ZW10: variants seen among roughly 807,000 people sequenced by gnomAD.
The protein encoded by ZW10 is centromere/kinetochore protein zw10 homolog.
In ZW10, 53 loss-of-function variants were observed where a neutral mutation model predicts 87.8. That is an observed-to-expected ratio of 0.60 (90% confidence interval 0.48 to 0.76). The LOEUF (loss-of-function observed/expected upper bound fraction) is 0.76. ZW10 is among the 30% of genes least tolerant of loss of function. The pLI, the probability that ZW10 is intolerant of heterozygous loss-of-function variation, is 0.00. For synonymous variants in ZW10, 312 were observed against 329.2 expected (o/e 0.95, Z 0.57); for missense variants, 837 against 923.0 (o/e 0.91, Z 1.21).
At chr11:113,746,947 G>A (rs954384852) in intron 9 of ZW10, among the ~76,000 whole-genome samples, 3 of 151,736 alleles carry the variant, frequency 2.0e-5, no homozygotes, top group Admixed American at 6.6e-5. Flanking sequence ...TTCTGCAGAA[G>A]AGTGACATAA....
At chr11:113,755,622 AGACT>A (rs2134884862) in intron 7 of ZW10, among the ~76,000 whole-genome samples, 1 of 152,234 alleles carries the variant, frequency 6.6e-6, no homozygotes, top group African/African-American at 2.4e-5. Context: ...CAGGGTGAGA[AGACT>A]GACTCCAATT....
intron 7 of ZW10, among the ~76,000 whole-genome samples, chr11:113,757,198 G>T (rs569378271): frequency 2.6e-5 from 4 of 151,976 alleles, no homozygotes; most frequent in South Asian, 4.2e-4. Flanking sequence ...ACAGAAACTG[G>T]CTGTGTCTAG....
At chr11:113,747,253 T>A (rs11214716) in intron 9 of ZW10, among the ~76,000 whole-genome samples, 18 of 152,022 alleles carry the variant, frequency 1.2e-4, no homozygotes. Flanking sequence ...AATAATCTAC[T>A]GTCTCACTTC....
At position 113,757,951 on chromosome 11, in the gene ZW10, C is replaced by T. The variant is rs1953810869; in HGVS notation, c.734-98G>A. On this transcript the variant is annotated intron_variant, in intron 6 of 15. Coordinates refer to ENST00000200135, the MANE Select transcript of ZW10 (RefSeq NM_004724.4). The stretch of plus-strand genomic sequence containing the variant: ...CTGTAATCCCAGCACTTTGGGAGGC[C>T]GAGGCAGGTGGATCATCTGAGGCCA... 9.0e-6 allele frequency: 9 copies of T among 999,682 alleles called. No homozygotes were observed. The Admixed American group carries it at 1.8e-4, about 20-fold the overall frequency. The allele number at this position is 999,682 out of a possible 1,614,324, so 61.9% of individuals were successfully genotyped here.
At chr11:113,760,994 A>G (rs1953854929) in intron 2 of ZW10, 76 bp from the exon 3 acceptor site, 1 of 1,060,948 alleles carries the variant, frequency 9.4e-7, no homozygotes, top group African/African-American at 1.6e-5. Context: ...GCAAATCAAT[A>G]AGCTTTACTA....
chr11:113,743,639 T>C (rs1953647511), intron 10 of ZW10, among the ~76,000 whole-genome samples, 163 bp downstream of exon 10: 1 of 152,250 alleles, frequency 6.6e-6, no homozygotes, highest in South Asian at 2.1e-4. Context: ...TAAATCTGTG[T>C]GATGCACTGG....
chr11:113,766,795 T>A (rs2134897574), intron 2 of ZW10, among the ~76,000 whole-genome samples: 1 of 146,656 alleles, frequency 6.8e-6, no homozygotes, highest in Non-Finnish European at 1.5e-5. Flanking sequence ...GGTGGGTGGA[T>A]CACTTGAGGC....
intron 7 of ZW10, among the ~76,000 whole-genome samples, chr11:113,753,876 A>G (rs757009190): frequency 4.6e-5 from 7 of 152,256 alleles, no homozygotes; most frequent in Non-Finnish European, 5.9e-5. Flanking sequence ...AGTTTGGTTC[A>G]TGAGTTTGAA....
intron 1 of ZW10, chr11:113,771,162 G>T (rs1953963310): frequency 6.6e-6 from 1 of 151,948 alleles, no homozygotes; most frequent in East Asian, 1.9e-4. Flanking sequence ...TTTTAGTAGA[G>T]AAGAAGTTTC....
intron 8 of ZW10, 94 bp from the exon 9 acceptor site, chr11:113,747,807 C>A (rs1042525807): frequency 2.9e-6 from 3 of 1,038,202 alleles, no homozygotes; most frequent in Non-Finnish European, 4.1e-6. Flanking sequence ...AAATGAGGAC[C>A]AAGCTGGTCA....
intron 7 of ZW10, among the ~76,000 whole-genome samples, chr11:113,753,825 A>G (rs1953756954): frequency 6.6e-6 from 1 of 152,246 alleles, no homozygotes; most frequent in Admixed American, 6.5e-5. Context: ...GAAGGCTCAG[A>G]GAGGTGAGGA....
intron 1 of ZW10, 145 bp downstream of exon 1, chr11:113,773,417 A>C: frequency 1.6e-6 from 1 of 632,354 alleles, no homozygotes; most frequent in Non-Finnish European, 2.7e-6. Flanking sequence ...CTCCTCATTC[A>C]GCCCCCACAA....
chr11:113,742,491 C>T (rs1026570876), intron 10 of ZW10, among the ~76,000 whole-genome samples: 2 of 152,100 alleles, frequency 1.3e-5, no homozygotes, highest in African/African-American at 4.8e-5. Flanking sequence ...ATTTCATTTT[C>T]GCTGCAGGAG....
At position 113,768,811 on chromosome 11, in the gene ZW10, C is replaced by A. The variant is rs1488515907; in HGVS notation, c.240+22G>T. On this transcript the variant is annotated intron_variant, in intron 2 of 15. Transcript: ENST00000200135. Reference sequence around the variant, plus strand: ...TGAACCACCTCCCTACAAACCTACCCAATATAACAAATTATCCTTACCTCA... The same window carrying A: ...TGAACCACCTCCCTACAAACCTACCAAATATAACAAATTATCCTTACCTCA... 1.9e-6 allele frequency: 3 copies of A among 1,612,936 alleles called. No homozygotes were observed. The African/African-American group carries it at 4.0e-5, about 22-fold the overall frequency.
chr11:113,769,735 T>C (rs4938052), intron 1 of ZW10: 18,183 of 420,010 alleles, frequency 0.043, 560 homozygotes, highest in Admixed American at 0.1. Flanking sequence ...CCCATAAGGA[T>C]TAATGCCTGT....
chr11:113,760,951 G>A, intron 2 of ZW10, 33 bp from the exon 3 acceptor site: 1 of 1,562,366 alleles, frequency 6.4e-7, no homozygotes, highest in Non-Finnish European at 8.8e-7. Context: ...GTACTTTTAA[G>A]CTATACCATA....
chr11:113,756,467 T>C (rs1301109048), intron 7 of ZW10, among the ~76,000 whole-genome samples: 1 of 152,180 alleles, frequency 6.6e-6, no homozygotes, highest in Non-Finnish European at 1.5e-5. Context: ...ATCAATAAAG[T>C]AGACATTACA....
chr11:113,756,806 T>C (rs1241464072), intron 7 of ZW10, among the ~76,000 whole-genome samples: 1 of 152,172 alleles, frequency 6.6e-6, no homozygotes, highest in Non-Finnish European at 1.5e-5. Flanking sequence ...AATTTATATC[T>C]AGTGAAAATA....
At chr11:113,764,246 C>T (rs1288904176) in intron 2 of ZW10, among the ~76,000 whole-genome samples, 2 of 152,180 alleles carry the variant, frequency 1.3e-5, no homozygotes, top group African/African-American at 4.8e-5. Flanking sequence ...CAGTACCATG[C>T]TGTTTTGGTT....
Sources: allele counts gnomAD v4.1 joint callset (sites outside exome capture counted in the v4.1 genomes callset), GRCh38; gene constraint gnomAD v4.1.1; transcripts MANE v1.5; gene names NCBI Gene and HGNC (gene_info 2026-07-23, HGNC 2026-07-21).